Variants in ATRNL1 observed in about 807,000 individuals in gnomAD.
ATRNL1 encodes attractin like 1.
A neutral mutation model predicts 182.7 loss-of-function variants in ATRNL1; 95 were observed. The observed-to-expected ratio is 0.52, with a 90% CI of 0.44 to 0.62. The LOEUF (loss-of-function observed/expected upper bound fraction) is 0.62. ATRNL1 is among the 20% of genes least tolerant of loss of function. The pLI, the probability that ATRNL1 is intolerant of heterozygous loss-of-function variation, is 0.00. For synonymous variants in ATRNL1, 576 were observed against 568.3 expected (o/e 1.01, Z -0.19); for missense variants, 1,471 against 1,679.5 (o/e 0.88, Z 2.17).
intron 26 of ATRNL1, among the ~76,000 whole-genome samples, chr10:115,571,686 T>A (rs1854407573): frequency 6.6e-6 from 1 of 152,206 alleles, no homozygotes; most frequent in African/African-American, 2.4e-5. Flanking sequence ...GAAAATAGCT[T>A]GGTATATTTA....
intron 24 of ATRNL1, among the ~76,000 whole-genome samples, chr10:115,491,770 G>C (rs1259918688): frequency 1.3e-5 from 2 of 152,144 alleles, no homozygotes; most frequent in Non-Finnish European, 2.9e-5. Flanking sequence ...CTTCCTGGCT[G>C]GCGTTCCAGG....
chr10:115,230,870 T>TGA (rs1169884107), intron 9 of ATRNL1, among the ~76,000 whole-genome samples: 1,822 of 83,330 alleles, frequency 0.022, 14 homozygotes, highest in Non-Finnish European at 0.027. Context: ...ATAGAGTGGA[T>TGA]GAGAGAGAGA....
chr10:115,838,340 T>C (rs1010513093), intron 27 of ATRNL1, among the ~76,000 whole-genome samples: 5 of 152,156 alleles, frequency 3.3e-5, no homozygotes, highest in Non-Finnish European at 5.9e-5. Flanking sequence ...GGATTGGTAA[T>C]GTAGAAATTA....
intron 26 of ATRNL1, among the ~76,000 whole-genome samples, chr10:115,618,867 T>C (rs1382840193): frequency 6.6e-6 from 1 of 152,216 alleles, no homozygotes; most frequent in East Asian, 1.9e-4. Flanking sequence ...GTTCCTTGGG[T>C]GATGCAATGT....
At chr10:115,108,191 G>A (rs1397885142) in intron 1 of ATRNL1, among the ~76,000 whole-genome samples, 6 of 151,782 alleles carry the variant, frequency 4.0e-5, no homozygotes, top group South Asian at 2.1e-4. Flanking sequence ...CTACCTTCTC[G>A]CATCTTTACT....
At chr10:115,155,531 A>G (rs189982983) in intron 5 of ATRNL1, among the ~76,000 whole-genome samples, 4 of 152,290 alleles carry the variant, frequency 2.6e-5, no homozygotes, top group African/African-American at 7.2e-5. Context: ...AGTTTGCCCA[A>G]GGTTTCACAG....
intron 13 of ATRNL1, among the ~76,000 whole-genome samples, chr10:115,270,886 C>T (rs1851830995): frequency 6.6e-6 from 1 of 152,080 alleles, no homozygotes; most frequent in Non-Finnish European, 1.5e-5. Context: ...GTCAACTTGG[C>T]ACCTATACAT....
intron 1 of ATRNL1, among the ~76,000 whole-genome samples, chr10:115,096,287 C>T (rs145996752): frequency 5.2e-4 from 79 of 152,044 alleles, no homozygotes; most frequent in Admixed American, 4.7e-3. Flanking sequence ...ACTGGTGTAA[C>T]GATCTGTGTT....
chr10:115,610,022 A>G (rs1295384435), intron 26 of ATRNL1, among the ~76,000 whole-genome samples: 4 of 152,194 alleles, frequency 2.6e-5, no homozygotes, highest in Non-Finnish European at 5.9e-5. Context: ...TGTATTTACC[A>G]TGTATTATGC....
intron 10 of ATRNL1, among the ~76,000 whole-genome samples, chr10:115,261,107 G>C (rs1454401890): frequency 6.6e-6 from 1 of 151,860 alleles, no homozygotes; most frequent in Non-Finnish European, 1.5e-5. Context: ...AGAGAGAAAA[G>C]AAATAGGACA....
chr10:115,539,335 AG>A (rs1565147522), intron 25 of ATRNL1, among the ~76,000 whole-genome samples: 2 of 152,232 alleles, frequency 1.3e-5, no homozygotes, highest in African/African-American at 4.8e-5. Flanking sequence ...TTCCAGTTCC[AG>A]GTAAGATTGT....
At chr10:115,547,934 C>G (rs1554994318) in intron 25 of ATRNL1, among the ~76,000 whole-genome samples, 2 of 152,132 alleles carry the variant, frequency 1.3e-5, no homozygotes, top group African/African-American at 4.8e-5. Context: ...GTTAGTATCA[C>G]TGACTTTTTA....
intron 27 of ATRNL1, among the ~76,000 whole-genome samples, chr10:115,793,281 TC>T (rs1159154359): frequency 6.6e-6 from 1 of 152,088 alleles, no homozygotes; most frequent in African/African-American, 2.4e-5. Context: ...ATATTCAACT[TC>T]AACTCAATCA....
intron 27 of ATRNL1, among the ~76,000 whole-genome samples, chr10:115,827,587 G>A (rs1555092355): frequency 6.6e-6 from 1 of 152,094 alleles, no homozygotes; most frequent in Non-Finnish European, 1.5e-5. Flanking sequence ...TACATAATGT[G>A]GTGGGGGTTT....
intron 25 of ATRNL1, among the ~76,000 whole-genome samples, chr10:115,547,008 C>A (rs1301017932): frequency 1.3e-5 from 2 of 152,050 alleles, no homozygotes; most frequent in Non-Finnish European, 2.9e-5. Context: ...AATTTCAGCA[C>A]TTTGGAAGGC....
At chr10:115,622,344 T>G (rs1450088578) in intron 26 of ATRNL1, among the ~76,000 whole-genome samples, 1 of 152,228 alleles carries the variant, frequency 6.6e-6, no homozygotes, top group Non-Finnish European at 1.5e-5. Flanking sequence ...CAGTTCATTA[T>G]GGAGACAGTG....
At chr10:115,801,307 A>G (rs891075566) in intron 27 of ATRNL1, among the ~76,000 whole-genome samples, 4 of 152,136 alleles carry the variant, frequency 2.6e-5, no homozygotes, top group African/African-American at 4.8e-5. Context: ...GGCCACTTGA[A>G]AATCTTTATT....
chr10:115,442,303 C>CTCTCTCTCTCTCTCTGTG (rs782157017), intron 21 of ATRNL1, among the ~76,000 whole-genome samples: 5,120 of 123,388 alleles, frequency 0.041, 317 homozygotes, highest in Non-Finnish European at 0.062. Flanking sequence ...CTCTCTCTCT[C>CTCTCTCTCTCTCTCTGTG]TGTGTGTATG....
intron 22 of ATRNL1, among the ~76,000 whole-genome samples, chr10:115,464,948 C>T (rs1463570953): frequency 6.6e-6 from 1 of 151,640 alleles, no homozygotes; most frequent in Non-Finnish European, 1.5e-5. Flanking sequence ...TGTCACTATA[C>T]CTAATAACGA....
Sources: gnomAD v4.1 joint callset for allele counts (sites outside exome capture counted in the v4.1 genomes callset) on GRCh38, gnomAD v4.1.1 for gene constraint, MANE v1.5 for transcripts, NCBI Gene and HGNC (gene_info 2026-07-23, HGNC 2026-07-21) for gene names.